Variants in SMCR8 observed in about 807,000 individuals in gnomAD.
The protein encoded by SMCR8 is SMCR8-C9orf72 complex subunit, also known as guanine nucleotide exchange protein SMCR8.
In SMCR8, 30 loss-of-function variants were observed where a neutral mutation model predicts 56.6. That is an observed-to-expected ratio of 0.53 (90% confidence interval 0.40 to 0.72). The LOEUF is 0.72. Among genes scored for constraint, SMCR8 ranks in the 30% least tolerant of loss-of-function variants. SMCR8 has a pLI of 0.00. For synonymous variants in SMCR8, 538 were observed against 456.0 expected, an observed-to-expected ratio of 1.18 and a Z score of -2.29; for missense variants, 1,198 against 1,157.0, an observed-to-expected ratio of 1.04 and a Z score of -0.51.
Position 18,316,181 on chromosome 17 carries a change from G to A in SMCR8, c.392G>A (p.Gly131Asp). 1 of 1,614,074 alleles carries A rather than the reference G, an allele frequency of 6.2e-7. No homozygotes were observed. The highest frequency in any genetic ancestry group is 8.5e-7 in the Non-Finnish European group (1 of 1,180,018). ...GTGGTGCTGGGAGATTCTAAGGAGG[G>A]CGCCTTTGCATACGTGCACCACCTT... ...SKVVLGDSKE[G>D]AFAYVHHLTL... Residue 131 changes from glycine to aspartate, a missense_variant, in exon 1 of 2, where the codon GGC (glycine) becomes GAC (aspartate). Gly to Asp is a moderately conservative substitution (Grantham distance 94). Coordinates refer to ENST00000406438, the MANE Select transcript of SMCR8 (RefSeq NM_144775.3).
rs1340436312 is a variant in SMCR8, at chr17:18,324,577, A to T, written c.*1507A>T. On this transcript the variant is annotated 3_prime_UTR_variant, in exon 2 of 2. Transcript: ENST00000406438. ...AGGCCCGGCCTGCCCATCGGCCTGT[A>T]GTACGCCATCGAGGTCATCATGGAG... 6.6e-6 allele frequency: 1 copy of T among 152,324 alleles called. No individual in the cohort carries two copies. Among genetic ancestry groups the T allele is most frequent in the Non-Finnish European group, 1.5e-5 (1 of 68,130 alleles). The allele number at this position is 152,324 out of a possible 1,614,324, so 9.4% of individuals were successfully genotyped here.
chr17:18,318,182 G>A (rs778120416), intron 1 of SMCR8, 33 bp downstream of exon 1: 2 of 1,584,674 alleles, frequency 1.3e-6, no homozygotes, highest in East Asian at 2.2e-5. Flanking sequence ...GAAGGGCCTT[G>A]GCCAGATAGG....
At chr17:18,318,565 G>A (rs180752093) in intron 1 of SMCR8, among the ~76,000 whole-genome samples, 12 of 152,136 alleles carry the variant, frequency 7.9e-5, no homozygotes, top group African/African-American at 1.2e-4. Context: ...CACCACACCC[G>A]GCTAACTTTT....
chr17:18,317,926 T>G lies in SMCR8; in HGVS notation c.2137T>G (p.Phe713Val), dbSNP rs1453254011. The G allele has an allele frequency of 3.1e-6, 5 of 1,614,160 alleles. No individual in the cohort carries two copies. The East Asian group carries it at 8.9e-5, about 29-fold the overall frequency. ...KKRAGQNALK[F>V]IRQYPFAHPA... ...GAGGGCTGGCCAGAACGCCTTAAAATTCATCCGCCAGTACCCCTTTGCCCA... is the reference window on the plus strand; with the variant it reads ...GAGGGCTGGCCAGAACGCCTTAAAAGTCATCCGCCAGTACCCCTTTGCCCA... The change falls in exon 1 of 2, where the codon TTC becomes GTC. Residue 713 changes from phenylalanine to valine, a missense_variant. By Grantham distance (50) the Phe-to-Val change is conservative (BLOSUM62 -1). Coordinates refer to ENST00000406438, the MANE Select transcript of SMCR8 (RefSeq NM_144775.3).
chr17:18,319,536 A>C (rs1407161454), intron 1 of SMCR8, among the ~76,000 whole-genome samples: 1 of 152,116 alleles, frequency 6.6e-6, no homozygotes, highest in African/African-American at 2.4e-5. Flanking sequence ...ACTCAGGCCC[A>C]CTGCTCACAT....
rs1475952301 is a variant in SMCR8, at chr17:18,316,722, C to T, written c.933C>T (p.Ser311=). The T allele has an allele frequency of 6.2e-7, 1 of 1,614,056 alleles. No individual in the cohort carries two copies. Among genetic ancestry groups the T allele is most frequent in the Non-Finnish European group, 8.5e-7 (1 of 1,180,032 alleles). Residue 311 remains serine (S), a synonymous_variant, in exon 1 of 2, where the codon TCC becomes TCT. Transcript: ENST00000406438. Reference sequence around the variant, plus strand: ...CCCCAAAACTTATCAAAGCAAAGTCCACCAAGTGTTTTGACAAGAAGTTGA... The same window carrying T: ...CCCCAAAACTTATCAAAGCAAAGTCTACCAAGTGTTTTGACAAGAAGTTGA... The part of the protein sequence containing the change: ...AYTPKLIKAK[S]TKCFDKKLKT...
chr17:18,319,501 C>T (rs143974243), intron 1 of SMCR8, among the ~76,000 whole-genome samples: 243 of 152,236 alleles, frequency 1.6e-3, no homozygotes, highest in Non-Finnish European at 2.8e-3. Flanking sequence ...ACTCTGAGCA[C>T]CACGGCCCAG....
intron 1 of SMCR8, 104 bp downstream of exon 1, chr17:18,318,253 A>G: frequency 1.8e-6 from 2 of 1,096,976 alleles, no homozygotes; most frequent in Middle Eastern, 3.0e-4. Flanking sequence ...GACAGGGCCC[A>G]GTTCCTACCA....
At position 18,325,229 on chromosome 17, in the gene SMCR8, A is replaced by G. The variant is rs1982616449; in HGVS notation, c.*2159A>G. 2 of 152,248 alleles carry G rather than the reference A, an allele frequency of 1.3e-5. No individual in the cohort carries two copies. Among genetic ancestry groups the G allele is most frequent in the African/African-American group, 4.8e-5 (2 of 41,440 alleles). The allele number at this position is 152,248 out of a possible 1,614,324, so 9.4% of individuals were successfully genotyped here. On this transcript the variant is annotated 3_prime_UTR_variant, in exon 2 of 2. Transcript: ENST00000406438. ...CACCTGGGAAACTTGGGAAGGGCTG[A>G]TGAGTTTGGGGCAGATCCTGAATTG...
chr17:18,326,342 G>A lies in SMCR8; in HGVS notation c.*3272G>A, dbSNP rs1667908975. 1 of 152,196 alleles carries A rather than the reference G, an allele frequency of 6.6e-6. No homozygotes were observed. The highest frequency in any genetic ancestry group is 1.5e-5 in the Non-Finnish European group (1 of 68,050). 9.4% of individuals were successfully genotyped at this position (152,196 alleles called of 1,614,324 possible). A position where few individuals can be genotyped will look rare whatever the true frequency, so the allele number is the denominator to read the frequency against. ...AGTTGTGGACTGGTGATTTTCAAAA[G>A]CCCCACTTTAGAGATCAGGCCACAG... On this transcript the variant is annotated 3_prime_UTR_variant, in exon 2 of 2. Coordinates refer to ENST00000406438, the MANE Select transcript of SMCR8 (RefSeq NM_144775.3).
intron 1 of SMCR8, among the ~76,000 whole-genome samples, chr17:18,320,792 C>T (rs1021856143): frequency 6.6e-6 from 1 of 152,176 alleles, no homozygotes; most frequent in Non-Finnish European, 1.5e-5. Flanking sequence ...CATGGCCTGT[C>T]TCAGCTGTCC....
rs369818386 is a variant in SMCR8 at position 18,317,708 on chromosome 17, G to A, written c.1919G>A (p.Arg640Gln). Reference protein sequence around the residue: ...FSVENANPSSRDNSCEGFPAY... With the variant: ...FSVENANPSSQDNSCEGFPAY... ...GTGGAAAATGCCAACCCTTCTTCCC[G>A]AGACAACAGTTGTGAAGGGTTTCCC... is the stretch of plus-strand genomic sequence containing the variant. Residue 640 changes from arginine (R) to glutamine (Q), a missense_variant, in exon 1 of 2, where the codon CGA (arginine) becomes CAA (glutamine). Coordinates refer to ENST00000406438, the MANE Select transcript of SMCR8 (RefSeq NM_144775.3). 1.3e-4 allele frequency: 210 copies of A among 1,613,990 alleles called. No homozygotes were observed. Among genetic ancestry groups the A allele is most frequent in the Non-Finnish European group, 1.7e-4 (196 of 1,180,036 alleles).
rs1415422436 is a variant in SMCR8 at position 18,324,860 on chromosome 17, T to C, written c.*1790T>C. 3.3e-5 allele frequency: 5 copies of C among 152,260 alleles called. No individual in the cohort carries two copies. The highest frequency in any genetic ancestry group is 3.3e-4 in the Admixed American group (5 of 15,286). 9.4% of individuals were successfully genotyped at this position (152,260 alleles called of 1,614,324 possible). ...TGCTGCCTACATCTCATTGGTTCTC[T>C]GTACCTGTGCCCGTTGCGCATGTTC... On this transcript the variant is annotated 3_prime_UTR_variant, in exon 2 of 2. Transcript: ENST00000406438.
chr17:18,319,202 C>T (rs946318488), intron 1 of SMCR8, among the ~76,000 whole-genome samples: 7 of 152,144 alleles, frequency 4.6e-5, no homozygotes, highest in Admixed American at 2.6e-4. Context: ...TGTCTGGATT[C>T]GGACCAACCA....
chr17:18,323,049 C>T lies in SMCR8; in HGVS notation c.2793C>T (p.Pro931=). 1.2e-6 allele frequency: 2 copies of T among 1,613,442 alleles called. No homozygotes were observed. Among genetic ancestry groups the T allele is most frequent in the Non-Finnish European group, 1.7e-6 (2 of 1,179,566 alleles). ...CCATGCTCAGGTTTGACTATGTCCC[C>T]AGCTTTTTGTATAAAATCTGAGGTC... is the stretch of plus-strand genomic sequence containing the variant. ...SHPMLRFDYV[P]SFLYKI is the part of the protein sequence containing the mutation. Residue 931 remains proline (P), a synonymous_variant, in exon 2 of 2, where the codon CCC becomes CCT. Coordinates refer to ENST00000406438, the MANE Select transcript of SMCR8 (RefSeq NM_144775.3).
chr17:18,322,841 CCTT>C lies in SMCR8; in HGVS notation c.2588_2590del (p.Phe863del), dbSNP rs1982541715. The C allele has an allele frequency of 6.2e-7, 1 of 1,613,910 alleles. No homozygotes were observed. The highest frequency in any genetic ancestry group is 1.7e-5 in the Admixed American group (1 of 60,006). On this transcript the variant is annotated inframe_deletion, in exon 2 of 2. Transcript: ENST00000406438. The stretch of plus-strand genomic sequence containing the variant: ...CTCTGCTCCAAGGCCTTCCTCTACA[CCTT>C]CTGCCACCACCTGCACCTGCCTACC...
chr17:18,315,799 G>T lies in SMCR8; in HGVS notation c.10G>T (p.Ala4Ser). The T allele has an allele frequency of 1.3e-6, 2 of 1,580,364 alleles. No individual in the cohort carries two copies. Among genetic ancestry groups the T allele is most frequent in the Non-Finnish European group, 8.6e-7 (1 of 1,160,214 alleles). The change falls in exon 1 of 2, where the codon GCC becomes TCC. Residue 4 changes from alanine to serine, a missense_variant. By Grantham distance (99) the Ala-to-Ser change is moderately conservative (BLOSUM62 1). Coordinates refer to ENST00000406438, the MANE Select transcript of SMCR8 (RefSeq NM_144775.3). MISAPDVVAFTKEE... is the reference protein window; with the variant it reads MISSPDVVAFTKEE... ...TCATATATCTGGAAATATGATCAGC[G>T]CCCCTGACGTAGTGGCCTTCACCAA...
rs1464490874 is a variant in SMCR8 at position 18,326,196 on chromosome 17, A to G, written c.*3126A>G. ...CCTTGCTACTTTCTCAGTCCTCACT[A>G]TTGCTTTGAGGGCCCAGGTACTGAA... On this transcript the variant is annotated 3_prime_UTR_variant, in exon 2 of 2. Transcript: ENST00000406438. 1.3e-5 allele frequency: 2 copies of G among 152,162 alleles called. No individual in the cohort carries two copies. Among genetic ancestry groups the G allele is most frequent in the Non-Finnish European group, 2.9e-5 (2 of 68,020 alleles). 9.4% of individuals were successfully genotyped at this position (152,162 alleles called of 1,614,324 possible).
In SMCR8 at chr17:18,316,497, G is replaced by T; in HGVS notation, c.708G>T (p.Leu236=). Reference sequence around the variant, plus strand: ...AGGCAATTGAGAAAGCCAATGAACTGGCCAGTGTGGAGAAGTCCATCATTG... The same window carrying T: ...AGGCAATTGAGAAAGCCAATGAACTTGCCAGTGTGGAGAAGTCCATCATTG... ...SSQAIEKANE[L]ASVEKSIIEH... The change falls in exon 1 of 2, where the codon CTG becomes CTT. Residue 236 remains leucine, a synonymous_variant. Coordinates refer to ENST00000406438, the MANE Select transcript of SMCR8 (RefSeq NM_144775.3). The T allele has an allele frequency of 6.2e-7, 1 of 1,614,132 alleles. No individual in the cohort carries two copies. Among genetic ancestry groups the T allele is most frequent in the Non-Finnish European group, 8.5e-7 (1 of 1,180,022 alleles).
Sources: gnomAD v4.1 joint callset for allele counts (sites outside exome capture counted in the v4.1 genomes callset) on GRCh38, gnomAD v4.1.1 for gene constraint, MANE v1.5 for transcripts, NCBI Gene and HGNC (gene_info 2026-07-23, HGNC 2026-07-21) for gene names.